IRAK1: variants seen among roughly 807,000 people sequenced by gnomAD.
IRAK1 encodes the protein interleukin 1 receptor associated kinase 1.
In IRAK1, 9 loss-of-function variants were observed where a neutral mutation model predicts 49.8. The ratio of observed to expected loss-of-function variants is 0.18; its 90% CI spans 0.11 to 0.32. The LOEUF is 0.32. IRAK1 is among the 10% of genes least tolerant of loss of function. The pLI, the probability that IRAK1 is intolerant of heterozygous loss-of-function variation, is 1.00. For missense variants in IRAK1, 418 were observed against 600.5 expected, an observed-to-expected ratio of 0.70 and a Z score of 3.18; for synonymous variants, 282 against 270.8, an observed-to-expected ratio of 1.04 and a Z score of -0.41.
intron 10 of IRAK1, 136 bp from the exon 11 acceptor site, chrX:154,014,414 T>G: frequency 1.5e-6 from 1 of 656,682 alleles, no homozygotes. Context: ...CTCGCTTTGT[T>G]GGCCTGGCTG....
rs182367373 is a variant in IRAK1, at chrX:154,011,242, G to A, written c.*617C>T. 57 of 268,600 alleles carry A rather than the reference G, an allele frequency of 2.1e-4. No individual in the cohort carries two copies. The East Asian group carries it at 5.3e-3, about 25-fold the overall frequency. The allele number at this position is 268,600 out of a possible 1,213,427, so 22.1% of individuals were successfully genotyped here. A position where few individuals can be genotyped will look rare whatever the true frequency, so the allele number is the denominator to read the frequency against. On this transcript the variant is annotated 3_prime_UTR_variant, in exon 14 of 14. Transcript: ENST00000369980. ...TGGGACCACAGGCGTGCGCTACCAC[G>A]CCAGGCTAATAGTTTAAAAAATTTT...
At chrX:154,015,417 C>G (rs1449515213) in intron 10 of IRAK1, among the ~76,000 whole-genome samples, 1 of 112,565 alleles carries the variant, frequency 8.9e-6, no homozygotes, top group African/African-American at 3.2e-5. Context: ...CCCCACAGCA[C>G]ACAGGAACCG....
At chrX:154,018,198 C>T in intron 6 of IRAK1, 78 bp from the exon 7 acceptor site, 1 of 1,061,901 alleles carries the variant, frequency 9.4e-7, no homozygotes, top group African/African-American at 1.8e-5. Flanking sequence ...CTCGCCCGGG[C>T]CTGCCAGGCC....
rs1557128179 is a variant in IRAK1, at chrX:154,013,426, T to G, written c.1547A>C (p.Glu516Ala). The change falls in exon 12 of 14, where the codon GAG (glutamate) becomes GCG (alanine). Residue 516 changes from glutamate (E) to alanine (A), a missense_variant. By Grantham distance (107) the Glu-to-Ala change is moderately radical (BLOSUM62 -1). This residue lies in a region of IRAK1 where 377 missense variants were observed against 499.5 expected (regional missense o/e 0.75). Coordinates refer to ENST00000369980, the MANE Select transcript of IRAK1 (RefSeq NM_001569.4). ...KRRPPMTQVY[E>A]RLEKLQAVVA... ...CACTGCCTGCAGCTTCTCTAGCCTC[T>G]CGTACACCTGCAAGTGGAAAAGAGG... is the stretch of plus-strand genomic sequence containing the variant. 2.5e-6 allele frequency: 3 copies of G among 1,178,780 alleles called. No homozygotes were observed. The highest frequency in any genetic ancestry group is 2.4e-4 in the Middle Eastern group (1 of 4,159).
At chrX:154,013,969 G>C (rs2065720483) in intron 11 of IRAK1, 73 bp downstream of exon 11, 3 of 1,122,007 alleles carry the variant, frequency 2.7e-6, no homozygotes, top group Non-Finnish European at 3.6e-6. Context: ...TGCTGAGATG[G>C]GGTCACTACA....
chrX:154,015,386 G>A (rs905415394), intron 10 of IRAK1, among the ~76,000 whole-genome samples: 6 of 112,594 alleles, frequency 5.3e-5, no homozygotes, highest in Admixed American at 1.9e-4. Context: ...GGTTCTCAGC[G>A]GGGCTGAATC....
chrX:154,015,009 G>A (rs1197218635), intron 10 of IRAK1, among the ~76,000 whole-genome samples: 4 of 111,393 alleles, frequency 3.6e-5, no homozygotes, highest in African/African-American at 1.3e-4. Flanking sequence ...GCGCCCCCAG[G>A]GTGGAAACAG....
At chrX:154,014,416 G>A (rs2065725061) in intron 10 of IRAK1, 138 bp from the exon 11 acceptor site, 9 of 650,061 alleles carry the variant, frequency 1.4e-5, no homozygotes, top group Admixed American at 3.9e-5. Context: ...CGCTTTGTTG[G>A]CCTGGCTGGT....
rs782440348 is a variant in IRAK1 at position 154,013,152 on chromosome X, G to C, written c.1821C>G (p.Ser607Arg). 1 of 1,209,822 alleles carries C rather than the reference G, an allele frequency of 8.3e-7. No individual in the cohort carries two copies. Among genetic ancestry groups the C allele is most frequent in the South Asian group, 1.8e-5 (1 of 56,871 alleles). ...TGAGGGGTGCTGGGTCCAGAGGGCAGCTTGGAGTCAAGTGCCAGGAGCGCA... is the reference window on the plus strand; with the variant it reads ...TGAGGGGTGCTGGGTCCAGAGGGCACCTTGGAGTCAAGTGCCAGGAGCGCA... The part of the protein sequence containing the change: ...AALRSWHLTP[S>R]CPLDPAPLRE... The change falls in exon 12 of 14, where the codon AGC becomes AGG. Residue 607 changes from serine to arginine, a missense_variant. Transcript: ENST00000369980.
At position 154,019,774 on chromosome X, in the gene IRAK1, G is replaced by A. The variant is rs1440823792; in HGVS notation, c.39C>T (p.Pro13=). Residue 13 remains proline (P), a synonymous_variant, in exon 1 of 14, where the codon CCC becomes CCT. Transcript: ENST00000369980. ...CCTCGTACAAGAAGTGCTGGGCGCC[G>A]GGGGCTGCGGGCTCCCCCGGGCCCG... is the stretch of plus-strand genomic sequence containing the variant. ...GGPGPGEPAA[P]GAQHFLYEVP... 4.4e-6 allele frequency: 4 copies of A among 909,047 alleles called. No homozygotes were observed. The highest frequency in any genetic ancestry group is 5.4e-6 in the Non-Finnish European group (4 of 737,126). 74.9% of individuals were successfully genotyped at this position (909,047 alleles called of 1,213,427 possible).
At chrX:154,014,399 G>A in intron 10 of IRAK1, 121 bp from the exon 11 acceptor site, 1 of 701,418 alleles carries the variant, frequency 1.4e-6, no homozygotes, top group Non-Finnish European at 2.1e-6. Context: ...AAAAAGAGAT[G>A]GGGTCTCGCT....
chrX:154,019,873 T>G lies in IRAK1; in HGVS notation c.-61A>C. The G allele has an allele frequency of 1.6e-6, 1 of 634,107 alleles. No homozygotes were observed. The allele number at this position is 634,107 out of a possible 1,213,427, so 52.3% of individuals were successfully genotyped here. ...CTCAGGGCCGCGGCGGGCGCGGGCC[T>G]GGGCCGGCCGGGTCCGCGGACACTG... On this transcript the variant is annotated 5_prime_UTR_variant, in exon 1 of 14. Coordinates refer to ENST00000369980, the MANE Select transcript of IRAK1 (RefSeq NM_001569.4).
Position 154,011,575 on chromosome X carries a change from C to A in IRAK1, c.*284G>T, listed in dbSNP as rs2065698109. 2.4e-6 allele frequency: 1 copy of A among 412,146 alleles called. No individual in the cohort carries two copies. Among genetic ancestry groups the A allele is most frequent in the Admixed American group, 3.5e-5 (1 of 28,534 alleles). The allele number at this position is 412,146 out of a possible 1,213,427, so 34.0% of individuals were successfully genotyped here. The stretch of plus-strand genomic sequence containing the variant: ...ACCCCTGCACAGCAGCCCCTCTCCT[C>A]CCCTCACGGGTCTGTGCAGCCAGCA... On this transcript the variant is annotated 3_prime_UTR_variant, in exon 14 of 14. Transcript: ENST00000369980.
chrX:154,015,953 G>C (rs186477622), intron 10 of IRAK1, 79 bp downstream of exon 10: 2 of 879,916 alleles, frequency 2.3e-6, no homozygotes, highest in African/African-American at 3.9e-5. Flanking sequence ...CTGCGCCCCA[G>C]TTATCCCCGC....
intron 10 of IRAK1, among the ~76,000 whole-genome samples, chrX:154,014,730 T>C (rs1394397490): frequency 8.9e-6 from 1 of 112,027 alleles, no homozygotes; most frequent in East Asian, 2.8e-4. Flanking sequence ...CAAGCGATCC[T>C]CCTGCCTCAG....
At position 154,013,301 on chromosome X, in the gene IRAK1, C is replaced by T. The variant is rs782284654; in HGVS notation, c.1672G>A (p.Ala558Thr). 2.3e-5 allele frequency: 28 copies of T among 1,208,613 alleles called. 1 individual carries two copies. The East Asian group carries it at 4.7e-4, about 20-fold the overall frequency. Residue 558 changes from alanine (A) to threonine (T), a missense_variant, in exon 12 of 14, where the codon GCT (alanine) becomes ACT (threonine). Ala to Thr is a moderately conservative substitution (Grantham distance 58). Transcript: ENST00000369980. Reference sequence around the variant, plus strand: ...GCTGCCAGGGGCTGCCATGGAGCAGCCCCACTGTGGGCTCTGCCAGTGCTG... The same window carrying T: ...GCTGCCAGGGGCTGCCATGGAGCAGTCCCACTGTGGGCTCTGCCAGTGCTG... ...VSSTGRAHSG[A>T]APWQPLAAPS...
chrX:154,015,212 A>C (rs973515804), intron 10 of IRAK1, among the ~76,000 whole-genome samples: 1 of 112,383 alleles, frequency 8.9e-6, no homozygotes, highest in Non-Finnish European at 1.9e-5. Flanking sequence ...CCCCAAGAGC[A>C]GAGAAAAGGC....
At chrX:154,013,891 G>A in intron 11 of IRAK1, 151 bp downstream of exon 11, 2 of 801,503 alleles carry the variant, frequency 2.5e-6, no homozygotes, top group South Asian at 2.6e-5. Flanking sequence ...AGTTCAGAGG[G>A]GCGCTGCCCC....
chrX:154,017,564 G>C (rs1480894715), intron 7 of IRAK1, among the ~76,000 whole-genome samples: 1 of 111,793 alleles, frequency 8.9e-6, no homozygotes, highest in Non-Finnish European at 1.9e-5. Context: ...GGGAGGCTGA[G>C]GCGCGCAGAC....
Sources: allele counts gnomAD v4.1 joint callset (sites outside exome capture counted in the v4.1 genomes callset), GRCh38; gene constraint gnomAD v4.1.1; regional missense constraint gnomAD v4.1.1; transcripts MANE v1.5; gene names NCBI Gene and HGNC (gene_info 2026-07-23, HGNC 2026-07-21).